The following BRAF variants were observed in gnomAD, a reference collection of about 807,000 sequenced individuals.
BRAF encodes the protein B-Raf proto-oncogene, serine/threonine kinase.
In BRAF, 16 loss-of-function variants were observed where a neutral mutation model predicts 104.6. That is an observed-to-expected ratio of 0.15 (90% CI 0.10 to 0.23). The LOEUF is 0.23. Among genes scored for constraint, BRAF ranks in the 10% least tolerant of loss-of-function variants. BRAF has a pLI of 1.00. For missense variants in BRAF, 541 were observed against 937.3 expected (o/e 0.58, Z 5.52); for synonymous variants, 310 against 341.6 (o/e 0.91, Z 1.02).
intron 2 of BRAF, among the ~76,000 whole-genome samples, chr7:140,848,445 G>A (rs528202310): frequency 5.9e-5 from 9 of 152,174 alleles, no homozygotes; most frequent in Non-Finnish European, 1.3e-4. Context: ...ACAGTACTGG[G>A]CACAGAATAA....
Position 140,754,215 on chromosome 7 carries a change from T to A in BRAF, c.1833A>T (p.Ser611=), listed in dbSNP as rs1436302713. The change falls in exon 15 of 20, where the codon TCA becomes TCT. Residue 611 remains serine, a synonymous_variant. Transcript: ENST00000644969. The part of the protein sequence containing the change: ...AQGMDYLHAK[S]IIHRDLKSNN... Reference sequence around the variant, plus strand: ...TACTCTTGAGGTCTCTGTGGATGATTGACTTGGCGTGTAAGTAACTGAAAA... The same window carrying A: ...TACTCTTGAGGTCTCTGTGGATGATAGACTTGGCGTGTAAGTAACTGAAAA... 3 of 1,613,714 alleles carry A rather than the reference T, an allele frequency of 1.9e-6. No individual in the cohort carries two copies. In the East Asian group the frequency reaches 6.7e-5, roughly 36 times the overall value.
intron 1 of BRAF, among the ~76,000 whole-genome samples, chr7:140,879,293 T>G (rs151125253): frequency 0.054 from 8,151 of 152,058 alleles, 294 homozygotes; most frequent in Admixed American, 0.091. Context: ...AAGAGTCTCC[T>G]GCCTCAGCCT....
In BRAF at chr7:140,721,231, AGTTGTGGAT is replaced by A; in HGVS notation, c.*5254_*5262del. On this transcript the variant is annotated 3_prime_UTR_variant, in exon 20 of 20. Transcript: ENST00000644969. ...GTAATTAATAAAACTTAACAGTTGA[AGTTGTGGAT>A]GTTAAATAAAAGTACTTTAGTCACT... 1 of 1,094,350 alleles carries A rather than the reference AGTTGTGGAT, an allele frequency of 9.1e-7. No homozygotes were observed. The highest frequency in any genetic ancestry group is 1.1e-6 in the Non-Finnish European group (1 of 899,126). 67.8% of individuals were successfully genotyped at this position (1,094,350 alleles called of 1,614,324 possible).
rs745783052 is a variant in BRAF, at chr7:140,776,916, T to C, written c.1810A>G (p.Met604Val). ...IDIARQTAQG[M>V]DYLHAKSIIH... ...CATTTAACGAATGGAACTTACTCCA[T>C]GCCCTGTGCAGTCTGTCGTGCAATA... Residue 604 changes from methionine (M) to valine (V), a missense_variant, in exon 14 of 20, where the codon ATG (methionine) becomes GTG (valine). Met to Val is a conservative substitution (Grantham distance 21). Around this residue, in one of 10 missense-constraint regions of BRAF, gnomAD observed 129 missense variants for 285.8 expected, o/e 0.45. Transcript: ENST00000644969. 4.3e-6 allele frequency: 7 copies of C among 1,612,348 alleles called. No individual in the cohort carries two copies. The East Asian group carries it at 8.9e-5, about 21-fold the overall frequency.
chr7:140,907,081 T>TAG (rs1816406889), intron 1 of BRAF, among the ~76,000 whole-genome samples: 1 of 152,228 alleles, frequency 6.6e-6, no homozygotes. Context: ...CCATGTCTCT[T>TAG]TACCTCTCTT....
intron 18 of BRAF, among the ~76,000 whole-genome samples, chr7:140,738,084 T>C (rs1796589259): frequency 6.6e-6 from 1 of 152,090 alleles, no homozygotes; most frequent in Non-Finnish European, 1.5e-5. Flanking sequence ...CACTTGTCTC[T>C]CACCAGGACA....
downstream of BRAF, among the ~76,000 whole-genome samples, chr7:140,717,562 T>A (rs1323338479): frequency 6.6e-6 from 1 of 152,170 alleles, no homozygotes; most frequent in Admixed American, 6.5e-5. Flanking sequence ...TTAAGAACAC[T>A]TTTTGCCCTA....
intron 14 of BRAF, chr7:140,758,058 A>C (rs554125956): frequency 6.6e-6 from 1 of 152,354 alleles, no homozygotes; most frequent in African/African-American, 2.4e-5. Flanking sequence ...GTCTGCTGCC[A>C]TTTTCAAGTA....
intron 1 of BRAF, among the ~76,000 whole-genome samples, chr7:140,898,516 T>G (rs2129126052): frequency 6.6e-6 from 1 of 152,286 alleles, no homozygotes; most frequent in East Asian, 1.9e-4. Flanking sequence ...ATACTCAACC[T>G]CACTAGTAAT....
intron 14 of BRAF, among the ~76,000 whole-genome samples, chr7:140,755,120 C>G (rs948804810): frequency 6.6e-6 from 1 of 152,142 alleles, no homozygotes; most frequent in African/African-American, 2.4e-5. Flanking sequence ...CTCAAGAGAT[C>G]CTCCTGTCTC....
At chr7:140,887,829 T>A (rs987783596) in intron 1 of BRAF, among the ~76,000 whole-genome samples, 1 of 152,118 alleles carries the variant, frequency 6.6e-6, no homozygotes, top group Admixed American at 6.6e-5. Context: ...TCCTCCCACC[T>A]TGGCCACCCA....
At chr7:140,852,212 T>C (rs1031780484) in intron 1 of BRAF, among the ~76,000 whole-genome samples, 2 of 151,410 alleles carry the variant, frequency 1.3e-5, no homozygotes, top group Non-Finnish European at 2.9e-5. Flanking sequence ...CCATAAAAAA[T>C]ACAAAAATTA....
rs201797624 is a variant in BRAF, at chr7:140,834,592, T to C, written c.504+17A>G. 1.8e-4 allele frequency: 289 copies of C among 1,613,620 alleles called. 5 individuals carry two copies. Among genetic ancestry groups the C allele is most frequent in the South Asian group, 1.8e-3 (160 of 91,052 alleles). ...ATACAAAGAAACAGCAAAATGGTGATATTAAAACTGACTCACCACTGTCCT... is the reference window on the plus strand; with the variant it reads ...ATACAAAGAAACAGCAAAATGGTGACATTAAAACTGACTCACCACTGTCCT... On this transcript the variant is annotated intron_variant, in intron 3 of 19. Coordinates refer to ENST00000644969, the MANE Select transcript of BRAF (RefSeq NM_001374258.1).
intron 11 of BRAF, among the ~76,000 whole-genome samples, chr7:140,782,463 C>CAAAA (rs56390228): frequency 6.8e-5 from 7 of 103,590 alleles, no homozygotes; most frequent in African/African-American, 1.4e-4. Flanking sequence ...TCGGTCTTTC[C>CAAAA]AAAAAAAAAA....
At chr7:140,829,353 T>C (rs1193927311) in intron 3 of BRAF, among the ~76,000 whole-genome samples, 1 of 151,736 alleles carries the variant, frequency 6.6e-6, no homozygotes, top group East Asian at 1.9e-4. Flanking sequence ...ATTTTTTTTT[T>C]TTTTTGGTAT....
intron 17 of BRAF, chr7:140,748,844 T>C (rs1797559179): frequency 6.3e-6 from 1 of 157,996 alleles, no homozygotes; most frequent in Non-Finnish European, 1.4e-5. Context: ...CATGATTTCT[T>C]CCATTTACCT....
In BRAF at chr7:140,734,594, G is replaced by A. The variant is rs746680490; in HGVS notation, c.2401+23C>T. On this transcript the variant is annotated intron_variant, in intron 19 of 19. Coordinates refer to ENST00000644969, the MANE Select transcript of BRAF (RefSeq NM_001374258.1). Reference sequence around the variant, plus strand: ...CTCTCCTGAACTCTCTCACTCATTTGTTTCAGTGGACAGGAAACGCACCAT... The same window carrying A: ...CTCTCCTGAACTCTCTCACTCATTTATTTCAGTGGACAGGAAACGCACCAT... The A allele has an allele frequency of 9.3e-6, 15 of 1,613,428 alleles. No individual in the cohort carries two copies. The Admixed American group carries it at 2.0e-4, about 22-fold the overall frequency.
rs1805846821 is a variant in BRAF, at chr7:140,824,882, G to A, written c.504+9727C>T. Among the ~76,000 whole-genome samples the A allele has an allele frequency of 3.3e-5, 5 of 151,944 alleles. No homozygotes were observed. The South Asian group carries it at 1.0e-3, about 32-fold the overall frequency. On this transcript the variant is annotated intron_variant, in intron 3 of 19. Transcript: ENST00000644969. ...AATTTGCATTTTCCTAATGACTAAT[G>A]TTGAGCGTCTTCTCATGCGTTTATT...
chr7:140,909,765 C>T (rs375393174), intron 1 of BRAF, among the ~76,000 whole-genome samples: 1 of 151,968 alleles, frequency 6.6e-6, no homozygotes, highest in Non-Finnish European at 1.5e-5. Flanking sequence ...CTAGATGGTG[C>T]CACTGCATTT....
Sources: allele counts gnomAD v4.1 joint callset (sites outside exome capture counted in the v4.1 genomes callset), GRCh38; gene constraint gnomAD v4.1.1; regional missense constraint gnomAD v4.1.1; transcripts MANE v1.5; gene names NCBI Gene and HGNC (gene_info 2026-07-23, HGNC 2026-07-21).